Variants in SLC4A1AP observed in about 807,000 individuals in gnomAD.
SLC4A1AP encodes solute carrier family 4 member 1 adaptor protein, also known as kanadaptin.
Under a neutral mutation model 89.7 loss-of-function variants are expected in SLC4A1AP, and 64 were observed. The observed-to-expected ratio is 0.71, with a 90% CI of 0.58 to 0.88. SLC4A1AP has a LOEUF of 0.88. Among genes scored for constraint, SLC4A1AP ranks in the 40% least tolerant of loss-of-function variants. The pLI, the probability that SLC4A1AP is intolerant of heterozygous loss-of-function variation, is 0.00. For missense variants in SLC4A1AP, 931 were observed against 965.0 expected (o/e 0.96, Z 0.47); for synonymous variants, 366 against 353.3 (o/e 1.04, Z -0.40).
At chr2:27,669,311 A>G in exon 5 of SLC4A1AP, 2 of 1,613,568 alleles carry the variant, frequency 1.2e-6, no homozygotes, top group Admixed American at 1.7e-5. Flanking sequence ...CAGGAAAGAA[A>G]AAAGAAGCAA....
At chr2:27,674,781 G>A (rs1210849893) in intron 5 of SLC4A1AP, among the ~76,000 whole-genome samples, 1 of 146,708 alleles carries the variant, frequency 6.8e-6, no homozygotes, top group East Asian at 2.0e-4. Flanking sequence ...GCGCTTTCTC[G>A]GCTCACTGCA....
At chr2:27,677,313 G>T in exon 7 of SLC4A1AP, 1 of 1,613,354 alleles carries the variant, frequency 6.2e-7, no homozygotes, top group Non-Finnish European at 8.5e-7. Context: ...ATTAAATGAT[G>T]CTGAAAGGGA....
At chr2:27,694,519 G>A (rs992044686) in intron 13 of SLC4A1AP, 115 bp from the exon 14 acceptor site, 26 of 633,594 alleles carry the variant, frequency 4.1e-5, no homozygotes, top group African/African-American at 7.6e-5. Flanking sequence ...AATTTCTACC[G>A]TAGAATAAAC....
In SLC4A1AP at chr2:27,677,292, C is replaced by G; in HGVS notation, c.1507-3C>G. ...TGTAACCCTGTTGATTTGGGTGTTA[C>G]AGGTTGCAAAATTAAATGATGCTGA... On this transcript the variant is annotated splice_polypyrimidine_tract_variant and splice_region_variant and intron_variant, in intron 6 of 13. Transcript: ENST00000613058. The G allele has an allele frequency of 6.2e-7, 1 of 1,605,248 alleles. No homozygotes were observed. The highest frequency in any genetic ancestry group is 8.5e-7 in the Non-Finnish European group (1 of 1,172,152).
chr2:27,679,183 C>G (rs1025771495), intron 8 of SLC4A1AP, among the ~76,000 whole-genome samples: 4 of 152,174 alleles, frequency 2.6e-5, no homozygotes, highest in African/African-American at 9.7e-5. Context: ...AATGCACATG[C>G]CCTTTGATCT....
intron 12 of SLC4A1AP, among the ~76,000 whole-genome samples, chr2:27,691,246 T>A (rs546453452): frequency 9.2e-5 from 14 of 152,154 alleles, no homozygotes; most frequent in Non-Finnish European, 1.9e-4. Flanking sequence ...TGGTCAGGAT[T>A]TCTGTTTCTT....
chr2:27,671,217 A>T (rs1675423886), intron 5 of SLC4A1AP, among the ~76,000 whole-genome samples: 1 of 152,128 alleles, frequency 6.6e-6, no homozygotes, highest in East Asian at 1.9e-4. Context: ...CACTGCGCCC[A>T]GCCTAAAAAC....
At chr2:27,685,783 G>A (rs962471195) in intron 10 of SLC4A1AP, among the ~76,000 whole-genome samples, 1 of 152,074 alleles carries the variant, frequency 6.6e-6, no homozygotes, top group Non-Finnish European at 1.5e-5. Flanking sequence ...ATATCCACCC[G>A]CCTCAGCAAA....
At chr2:27,664,468 C>A in exon 1 of SLC4A1AP, 1 of 1,614,208 alleles carries the variant, frequency 6.2e-7, no homozygotes, top group Non-Finnish European at 8.5e-7. Flanking sequence ...CTGGGAAGCA[C>A]CCATGGCACT....
intron 11 of SLC4A1AP, 38 bp downstream of exon 11, chr2:27,688,058 C>T: frequency 2.6e-6 from 4 of 1,549,360 alleles, no homozygotes. Context: ...GCTCTGCACA[C>T]AGGTGGCTGA....
chr2:27,685,293 T>C lies in SLC4A1AP; in HGVS notation c.2116+16T>C. 1 of 1,598,894 alleles carries C rather than the reference T, an allele frequency of 6.3e-7. No individual in the cohort carries two copies. The highest frequency in any genetic ancestry group is 8.5e-7 in the Non-Finnish European group (1 of 1,174,556). Reference sequence around the variant, plus strand: ...CAAACCCATGGTAATATCTTTCTTCTCCTTCCTGTGTTGTTCAGTGGGCAG... The same window carrying C: ...CAAACCCATGGTAATATCTTTCTTCCCCTTCCTGTGTTGTTCAGTGGGCAG... On this transcript the variant is annotated intron_variant, in intron 10 of 13. Transcript: ENST00000613058.
intron 8 of SLC4A1AP, 60 bp downstream of exon 8, chr2:27,677,984 A>G (rs1675552815): frequency 2.7e-6 from 3 of 1,113,020 alleles, no homozygotes; most frequent in Non-Finnish European, 2.5e-6. Flanking sequence ...AACATTTTCA[A>G]TTATCGCTTT....
intron 1 of SLC4A1AP, 94 bp downstream of exon 1, chr2:27,664,671 C>T: frequency 2.1e-6 from 2 of 956,020 alleles, no homozygotes; most frequent in South Asian, 1.6e-5. Context: ...ATCTCCCACT[C>T]AGCGATTACG....
At position 27,688,772 on chromosome 2, in the gene SLC4A1AP, G is replaced by GT. The variant is rs1408723501; in HGVS notation, c.2271+6dup. The GT allele has an allele frequency of 2.5e-6, 4 of 1,594,924 alleles. No individual in the cohort carries two copies. The African/African-American group carries it at 4.1e-5, about 16-fold the overall frequency. Reference sequence around the variant, plus strand: ...AAAACACCTGGTCCAGGCAAAGTAAGTATTTCACTTGTCTGGGAGTAAAAA... The same window carrying GT: ...AAAACACCTGGTCCAGGCAAAGTAAGTTATTTCACTTGTCTGGGAGTAAAAA... On this transcript the variant is annotated splice_donor_region_variant and intron_variant, in intron 12 of 13. Coordinates refer to ENST00000613058, the Ensembl canonical transcript of SLC4A1AP.
At chr2:27,691,441 T>C (rs1675785163) in intron 12 of SLC4A1AP, 1 of 152,150 alleles carries the variant, frequency 6.6e-6, no homozygotes, top group African/African-American at 2.4e-5. Context: ...TTTTCTTGTC[T>C]AATCTAGCTA....
chr2:27,670,631 C>T (rs149291664), intron 5 of SLC4A1AP, among the ~76,000 whole-genome samples: 3,393 of 151,328 alleles, frequency 0.022, 88 homozygotes, highest in African/African-American at 0.059. Flanking sequence ...CCAAGGCAGG[C>T]GGATCACGAG....
At chr2:27,670,494 A>G (rs1675404051) in intron 5 of SLC4A1AP, among the ~76,000 whole-genome samples, 1 of 151,998 alleles carries the variant, frequency 6.6e-6, no homozygotes, top group Non-Finnish European at 1.5e-5. Flanking sequence ...TCCTTGCCCT[A>G]CCCATCCTCA....
chr2:27,671,122 C>T (rs1454921496), intron 5 of SLC4A1AP, among the ~76,000 whole-genome samples: 1 of 151,752 alleles, frequency 6.6e-6, no homozygotes, highest in African/African-American at 2.4e-5. Context: ...AGGGTTTTAC[C>T]ATATTGGCCA....
exon 5 of SLC4A1AP, chr2:27,669,313 A>G: frequency 1.2e-6 from 2 of 1,613,558 alleles, no homozygotes; most frequent in Non-Finnish European, 1.7e-6. Flanking sequence ...GGAAAGAAAA[A>G]AGAAGCAATG....
Sources: gnomAD v4.1 joint callset for allele counts (sites outside exome capture counted in the v4.1 genomes callset) on GRCh38, gnomAD v4.1.1 for gene constraint, MANE v1.5 for transcripts, NCBI Gene and HGNC (gene_info 2026-07-23, HGNC 2026-07-21) for gene names.